Variants in COA1 observed in about 807,000 individuals in gnomAD.
COA1 encodes the protein cytochrome c oxidase assembly factor 1.
Under a neutral mutation model 16.0 loss-of-function variants are expected in COA1, and 13 were observed. The ratio of observed to expected loss-of-function variants is 0.81; its 90% CI spans 0.53 to 1.29. COA1 has a LOEUF of 1.29. COA1 is among the 50% of genes most tolerant of loss of function. The probability of loss-of-function intolerance (pLI) is 0.00; values close to 1 mark genes in which losing one functional copy is unlikely to be tolerated. For missense variants in COA1, 179 were observed against 177.0 expected, an observed-to-expected ratio of 1.01 and a Z score of -0.06; for synonymous variants, 65 against 65.7, an observed-to-expected ratio of 0.99 and a Z score of 0.05.
chr7:43,718,373 G>A (rs10265186), intron 1 of COA1, among the ~76,000 whole-genome samples: 22,209 of 152,214 alleles, frequency 0.15, 2,190 homozygotes, highest in Non-Finnish European at 0.21. Flanking sequence ...GTGTCAGCAT[G>A]TCCTGCTCTT....
intron 1 of COA1, among the ~76,000 whole-genome samples, chr7:43,686,734 A>G (rs1384835322): frequency 6.6e-6 from 1 of 152,234 alleles, no homozygotes; most frequent in Non-Finnish European, 1.5e-5. Context: ...TTAATACCTG[A>G]AAAGTGTTAT....
chr7:43,645,632 C>A (rs1285874502), intron 3 of COA1: 4 of 447,264 alleles, frequency 8.9e-6, no homozygotes, highest in Non-Finnish European at 1.6e-5. Flanking sequence ...GGGCCTTGAC[C>A]TCATGCAGAC....
At chr7:43,662,611 G>A (rs2092550808) in intron 1 of COA1, among the ~76,000 whole-genome samples, 1 of 152,318 alleles carries the variant, frequency 6.6e-6, no homozygotes, top group African/African-American at 2.4e-5. Context: ...TATCAAGCCA[G>A]ACATTAAAGA....
intron 3 of COA1, chr7:43,646,066 C>T (rs2089211071): frequency 6.5e-6 from 1 of 154,044 alleles, no homozygotes; most frequent in African/African-American, 2.4e-5. Context: ...TAATCAGCTG[C>T]CCAAAGGAGG....
chr7:43,691,546 C>T (rs1255983265), intron 1 of COA1, among the ~76,000 whole-genome samples: 1 of 152,128 alleles, frequency 6.6e-6, no homozygotes, highest in African/African-American at 2.4e-5. Flanking sequence ...ATCATGAATT[C>T]TACCCTTCTA....
intron 1 of COA1, among the ~76,000 whole-genome samples, chr7:43,720,107 C>T (rs1043238767): frequency 6.6e-6 from 1 of 151,810 alleles, no homozygotes; most frequent in Non-Finnish European, 1.5e-5. Flanking sequence ...GGTGAAACCC[C>T]ATCTCTACTA....
chr7:43,618,163 ATAGAG>A (rs2083517337), intron 6 of COA1, among the ~76,000 whole-genome samples: 1 of 152,204 alleles, frequency 6.6e-6, no homozygotes. Flanking sequence ...TAACAGAACA[ATAGAG>A]TAAGCATGCT....
At chr7:43,646,976 G>A (rs919962524) in intron 3 of COA1, 2 of 179,294 alleles carry the variant, frequency 1.1e-5, no homozygotes, top group Admixed American at 1.1e-4. Flanking sequence ...CCTGGCTGCT[G>A]ACAGTAATTG....
intron 1 of COA1, among the ~76,000 whole-genome samples, chr7:43,680,502 A>G (rs1563347176): frequency 6.6e-6 from 1 of 152,242 alleles, no homozygotes. Context: ...TCTGCAATGA[A>G]GTAAGACTGA....
At chr7:43,615,882 A>G (rs192973863) in intron 6 of COA1, among the ~76,000 whole-genome samples, 8 of 152,166 alleles carry the variant, frequency 5.3e-5, no homozygotes, top group Admixed American at 5.2e-4. Context: ...CTCCTCCCTC[A>G]GGTTGCCTTC....
chr7:43,691,373 GAGGGAGGAAGGAAGGAAGGAAGGA>G (rs2094328728), intron 1 of COA1, among the ~76,000 whole-genome samples: 10 of 18,602 alleles, frequency 5.4e-4, no homozygotes, highest in African/African-American at 2.1e-3. Flanking sequence ...GGGAGGGAGG[GAGGGAGGAAGGAAGGAAGGAAGGA>G]AGGAAGGAAG....
intron 1 of COA1, among the ~76,000 whole-genome samples, chr7:43,726,616 T>C (rs1287907694): frequency 6.6e-6 from 1 of 152,140 alleles, no homozygotes; most frequent in African/African-American, 2.4e-5. Context: ...TCCTCACGGG[T>C]TCTTTCACAG....
chr7:43,677,341 T>C (rs1053238076), intron 1 of COA1, among the ~76,000 whole-genome samples: 2 of 152,240 alleles, frequency 1.3e-5, no homozygotes, highest in Non-Finnish European at 2.9e-5. Context: ...GGACAAACTC[T>C]AACACCGTTT....
chr7:43,643,157 G>A (rs1357470920), intron 4 of COA1, among the ~76,000 whole-genome samples: 2 of 152,134 alleles, frequency 1.3e-5, no homozygotes, highest in Admixed American at 6.5e-5. Flanking sequence ...CCAGGAAGGC[G>A]CCCTCTCAGC....
intron 1 of COA1, among the ~76,000 whole-genome samples, chr7:43,690,534 C>T (rs1004516774): frequency 6.6e-6 from 1 of 152,016 alleles, no homozygotes; most frequent in Non-Finnish European, 1.5e-5. Context: ...GAAATAATTG[C>T]ATTCGCAGCA....
At chr7:43,701,344 T>C (rs1585188265) in intron 1 of COA1, among the ~76,000 whole-genome samples, 1 of 152,288 alleles carries the variant, frequency 6.6e-6, no homozygotes, top group East Asian at 1.9e-4. Flanking sequence ...TAGCTCTCAC[T>C]TATAAGTGAG....
At chr7:43,673,767 G>A (rs942403827) in intron 1 of COA1, among the ~76,000 whole-genome samples, 3 of 152,216 alleles carry the variant, frequency 2.0e-5, no homozygotes, top group Non-Finnish European at 2.9e-5. Context: ...TGGTGGAATG[G>A]ATAAAGAAAA....
At chr7:43,621,999 C>T (rs1248033080) in intron 6 of COA1, among the ~76,000 whole-genome samples, 1 of 152,124 alleles carries the variant, frequency 6.6e-6, no homozygotes, top group African/African-American at 2.4e-5. Flanking sequence ...CCTCAGATTC[C>T]TCTGTCCATA....
chr7:43,675,645 G>C (rs2093481380), intron 1 of COA1, among the ~76,000 whole-genome samples: 1 of 152,050 alleles, frequency 6.6e-6, no homozygotes, highest in Non-Finnish European at 1.5e-5. Flanking sequence ...ACCCTAATTT[G>C]TAGCATAGAG....
Sources: allele counts gnomAD v4.1 joint callset (sites outside exome capture counted in the v4.1 genomes callset), GRCh38; gene constraint gnomAD v4.1.1; transcripts MANE v1.5; gene names NCBI Gene and HGNC (gene_info 2026-07-23, HGNC 2026-07-21).